Variants in FMN2 observed in about 807,000 individuals in gnomAD.
The protein encoded by FMN2 is formin 2.
In FMN2, 51 loss-of-function variants were observed where a neutral mutation model predicts 142.3. The ratio of observed to expected loss-of-function variants is 0.36; its 90% confidence interval spans 0.29 to 0.45. The LOEUF (loss-of-function observed/expected upper bound fraction) is 0.45. Ranked by LOEUF, FMN2 falls within the 20% of genes least tolerant of loss-of-function variation. The pLI is 1.00. For synonymous variants in FMN2, 882 were observed against 869.8 expected, an observed-to-expected ratio of 1.01 and a Z score of -0.25; for missense variants, 1,936 against 2,122.8, an observed-to-expected ratio of 0.91 and a Z score of 1.73.
At chr1:240,161,532 G>GAA (rs35184213) in intron 2 of FMN2, among the ~76,000 whole-genome samples, 3 of 134,820 alleles carry the variant, frequency 2.2e-5, no homozygotes, top group Non-Finnish European at 3.2e-5. Context: ...GACTCCACCT[G>GAA]AAAAAAAAAA....
chr1:240,376,952 G>A (rs542790009), intron 14 of FMN2, among the ~76,000 whole-genome samples: 1 of 152,056 alleles, frequency 6.6e-6, no homozygotes, highest in Non-Finnish European at 1.5e-5. Flanking sequence ...ACAGTATACT[G>A]TCATTCTCCC....
intron 16 of FMN2, among the ~76,000 whole-genome samples, chr1:240,470,524 T>C (rs912837779): frequency 1.3e-5 from 2 of 152,170 alleles, no homozygotes; most frequent in African/African-American, 4.8e-5. Flanking sequence ...AACTATAACA[T>C]CAATCTTATA....
rs142823950 is a variant in FMN2, at chr1:240,370,407, C to T, written c.4858+14499C>T. Among the ~76,000 whole-genome samples, 3 of 152,022 alleles carry T rather than the reference C, an allele frequency of 2.0e-5. No homozygotes were observed. The East Asian group carries it at 5.8e-4, about 29-fold the overall frequency. On this transcript the variant is annotated intron_variant, in intron 14 of 17. Transcript: ENST00000319653. The stretch of plus-strand genomic sequence containing the variant: ...ATAGTATTTCACTATAAAAATGCAC[C>T]CAAACTTACTTGCTCATTTCTCTAC...
At position 240,320,613 on chromosome 1, in the gene FMN2, G is replaced by T. The variant is rs191657544; in HGVS notation, c.4216-8463G>T. ...TTTCTGAACACTGTTCTTTAAAGAT[G>T]TGATGACCAATTTAGGACGACAGTG... On this transcript the variant is annotated intron_variant, in intron 8 of 17. Transcript: ENST00000319653. Among the ~76,000 whole-genome samples the T allele has an allele frequency of 2.5e-3, 383 of 152,316 alleles. 1 individual carries two copies. Among genetic ancestry groups the T allele is most frequent in the African/African-American group, 8.4e-3 (348 of 41,574 alleles).
intron 2 of FMN2, among the ~76,000 whole-genome samples, chr1:240,160,999 C>CT (rs1467614342): frequency 6.6e-6 from 1 of 151,972 alleles, no homozygotes; most frequent in Non-Finnish European, 1.5e-5. Context: ...ATCAAATAAT[C>CT]TAAGAAGACA....
intron 13 of FMN2, among the ~76,000 whole-genome samples, chr1:240,336,582 A>ATAAAG (rs144682452): frequency 9.8e-6 from 1 of 101,842 alleles, no homozygotes; most frequent in Non-Finnish European, 2.0e-5. Context: ...AAAAAAAAAA[A>ATAAAG]GGTGGTTGCA....
chr1:240,351,910 A>T (rs1672109261), intron 13 of FMN2, among the ~76,000 whole-genome samples: 1 of 152,174 alleles, frequency 6.6e-6, no homozygotes, highest in African/African-American at 2.4e-5. Flanking sequence ...GATATCATGG[A>T]TGTGTATGAT....
At chr1:240,266,003 C>A (rs1189261250) in intron 7 of FMN2, among the ~76,000 whole-genome samples, 4 of 136,418 alleles carry the variant, frequency 2.9e-5, no homozygotes, top group Non-Finnish European at 4.6e-5. Context: ...GGTGTAGAAT[C>A]CAGAATCTGT....
chr1:240,351,519 T>C (rs1672096641), intron 13 of FMN2, among the ~76,000 whole-genome samples: 1 of 152,126 alleles, frequency 6.6e-6, no homozygotes, highest in Admixed American at 6.5e-5. Context: ...GTAGAAGAAA[T>C]AGAAAAAATA....
At chr1:240,391,539 CT>C (rs1374522230) in intron 14 of FMN2, among the ~76,000 whole-genome samples, 1 of 152,180 alleles carries the variant, frequency 6.6e-6, no homozygotes, top group East Asian at 1.9e-4. Flanking sequence ...ACAACTTCTT[CT>C]TTAACTAGTC....
chr1:240,414,114 T>G (rs372256501), intron 15 of FMN2, among the ~76,000 whole-genome samples: 1 of 152,234 alleles, frequency 6.6e-6, no homozygotes, highest in Non-Finnish European at 1.5e-5. Flanking sequence ...TTTAGGTTTG[T>G]GTGGACTTGG....
intron 2 of FMN2, among the ~76,000 whole-genome samples, chr1:240,130,042 T>G (rs142668251): frequency 6.6e-6 from 1 of 152,334 alleles, no homozygotes; most frequent in African/African-American, 2.4e-5. Flanking sequence ...ACTATTAGTG[T>G]CTCTACTTTT....
At chr1:240,439,188 G>A (rs10737844) in intron 16 of FMN2, among the ~76,000 whole-genome samples, 91,456 of 149,930 alleles carry the variant, frequency 0.61, 27,936 homozygotes, top group Non-Finnish European at 0.64. Flanking sequence ...CAGGAGAATC[G>A]CTTGAACCTG....
At position 240,239,764 on chromosome 1, in the gene FMN2, C is replaced by T. The variant is rs146630762; in HGVS notation, c.4066-18181C>T. ...GAAGTGAAGCAAAACGCCTGAATAC[C>T]GAATGACCATTTACTAAATCATTAA... On this transcript the variant is annotated intron_variant, in intron 6 of 17. Coordinates refer to ENST00000319653, the MANE Select transcript of FMN2 (RefSeq NM_020066.5). 2.4e-3 allele frequency among the ~76,000 whole-genome samples: 362 copies of T among 152,286 alleles called. 2 individuals are homozygous for T. Among genetic ancestry groups the T allele is most frequent in the African/African-American group, 8.6e-3 (358 of 41,576 alleles).
chr1:240,415,810 G>A (rs12076779), intron 15 of FMN2, among the ~76,000 whole-genome samples: 1 of 152,170 alleles, frequency 6.6e-6, no homozygotes, highest in Non-Finnish European at 1.5e-5. Context: ...GCTGCTATAA[G>A]AGCTGCAAAG....
chr1:240,261,198 T>C (rs1023423426), intron 7 of FMN2, among the ~76,000 whole-genome samples: 1 of 152,164 alleles, frequency 6.6e-6, no homozygotes, highest in Non-Finnish European at 1.5e-5. Flanking sequence ...TGCTTCCAGA[T>C]CTGTTCTTTT....
chr1:240,237,203 T>C (rs140792253), intron 6 of FMN2, among the ~76,000 whole-genome samples: 217 of 152,114 alleles, frequency 1.4e-3, no homozygotes, highest in Middle Eastern at 3.4e-3. Context: ...TTTCTAAGAG[T>C]TTGTTTGATT....
chr1:240,392,308 A>G (rs1053050231), intron 14 of FMN2, among the ~76,000 whole-genome samples: 3 of 152,158 alleles, frequency 2.0e-5, no homozygotes, highest in Non-Finnish European at 2.9e-5. Flanking sequence ...CTGTGTCAAT[A>G]TAATAAGATC....
At chr1:240,148,140 A>C (rs1663567177) in intron 2 of FMN2, among the ~76,000 whole-genome samples, 1 of 152,200 alleles carries the variant, frequency 6.6e-6, no homozygotes, top group Non-Finnish European at 1.5e-5. Context: ...TGTAACTGAG[A>C]AACTGCTCAG....
Sources: gnomAD v4.1 joint callset for allele counts (sites outside exome capture counted in the v4.1 genomes callset) on GRCh38, gnomAD v4.1.1 for gene constraint, MANE v1.5 for transcripts, NCBI Gene and HGNC (gene_info 2026-07-23, HGNC 2026-07-21) for gene names.